MYOF: variants seen among roughly 807,000 people sequenced by gnomAD.
The protein encoded by MYOF is myoferlin.
In MYOF, 244 loss-of-function variants were observed where a neutral mutation model predicts 284.2. That is an observed-to-expected ratio of 0.86 (90% CI 0.77 to 0.95). The LOEUF (loss-of-function observed/expected upper bound fraction) is 0.95, where lower values mean the gene tolerates loss of function less well. Among genes scored for constraint, MYOF ranks in the 40% least tolerant of loss-of-function variants. The pLI is 0.00. For synonymous variants in MYOF, 904 were observed against 919.7 expected (o/e 0.98, Z 0.31); for missense variants, 2,496 against 2,560.6 (o/e 0.97, Z 0.54).
At chr10:93,431,664 G>A (rs1444161722) in intron 3 of MYOF, 148 bp from the exon 4 acceptor site, 12 of 591,950 alleles carry the variant, frequency 2.0e-5, no homozygotes, top group Non-Finnish European at 3.3e-5. Flanking sequence ...AGCCTCGCAG[G>A]GCATTTTGGC....
At chr10:93,403,268 T>C (rs1847389026) in intron 9 of MYOF, among the ~76,000 whole-genome samples, 1 of 152,168 alleles carries the variant, frequency 6.6e-6, no homozygotes, top group South Asian at 2.1e-4. Context: ...CTCCTCCTCC[T>C]CCTCCTTCTC....
chr10:93,338,452 G>A (rs377391988), intron 39 of MYOF: 2 of 456,962 alleles, frequency 4.4e-6, no homozygotes, highest in South Asian at 1.5e-5. Context: ...ACATCTCTGA[G>A]CATCAATTTC....
At chr10:93,397,823 G>A (rs754490561) in intron 13 of MYOF, among the ~76,000 whole-genome samples, 17 of 151,762 alleles carry the variant, frequency 1.1e-4, no homozygotes, top group Non-Finnish European at 1.8e-4. Flanking sequence ...CAGCCTCCCT[G>A]CCCTCTACCC....
At position 93,351,436 on chromosome 10, in the gene MYOF, C is replaced by A. The variant is rs998734721; in HGVS notation, c.3799G>T (p.Ala1267Ser). 4 of 1,614,088 alleles carry A rather than the reference C, an allele frequency of 2.5e-6. No individual in the cohort carries two copies. The African/African-American group carries it at 5.3e-5, about 22-fold the overall frequency. The change falls in exon 34 of 54, where the codon GCA becomes TCA. Residue 1267 changes from alanine to serine, a missense_variant. Physicochemically the swap from Ala to Ser is moderately conservative, Grantham distance 99. Coordinates refer to ENST00000359263, the MANE Select transcript of MYOF (RefSeq NM_013451.4). ...ACCTTGCCCCTCAGAATCAGCTCTG[C>A]AGTTACAAGAACATCCCCGCAGGCT... ...DKACGDVLVT[A>S]ELILRGKDGS...
rs1453225185 is a variant in MYOF, at chr10:93,314,601, C to T, written c.5699-1391G>A. 2.6e-5 allele frequency among the ~76,000 whole-genome samples: 4 copies of T among 152,162 alleles called. No individual in the cohort carries two copies. The East Asian group carries it at 7.7e-4, about 29-fold the overall frequency. On this transcript the variant is annotated intron_variant, in intron 50 of 53. Transcript: ENST00000359263. ...TTTAAACTGTCAGGCTCAGGGACTA[C>T]CCTTCAGCATATAGTGGACCCATAA...
chr10:93,438,953 G>T (rs2056159571), intron 3 of MYOF, among the ~76,000 whole-genome samples: 1 of 152,126 alleles, frequency 6.6e-6, no homozygotes, highest in Admixed American at 6.5e-5. Context: ...ATCGAAAGGG[G>T]GTGTGGCTTT....
In MYOF at chr10:93,307,303, A is replaced by T. The variant is rs1015320830; in HGVS notation, c.6148-302T>A. 6.0e-5 allele frequency among the ~76,000 whole-genome samples: 9 copies of T among 149,750 alleles called. No homozygotes were observed. The East Asian group carries it at 1.2e-3, about 20-fold the overall frequency. Reference sequence around the variant, plus strand: ...GAACCACTGGTTTATTTTTATTTTTATTTTTTTTTTGAGATGGAGTCTTGC... The same window carrying T: ...GAACCACTGGTTTATTTTTATTTTTTTTTTTTTTTTGAGATGGAGTCTTGC... On this transcript the variant is annotated intron_variant, in intron 53 of 53. Coordinates refer to ENST00000359263, the MANE Select transcript of MYOF (RefSeq NM_013451.4).
At chr10:93,387,735 CCCCTTCAGT>C in intron 19 of MYOF, 53 bp downstream of exon 19, 1 of 1,406,208 alleles carries the variant, frequency 7.1e-7, no homozygotes, top group Middle Eastern at 1.8e-4. Flanking sequence ...CCCCCAGCTA[CCCCTTCAGT>C]CCCTGGAGGT....
intron 50 of MYOF, among the ~76,000 whole-genome samples, chr10:93,315,796 G>T (rs1488666116): frequency 1.3e-5 from 2 of 152,018 alleles, no homozygotes; most frequent in Non-Finnish European, 2.9e-5. Flanking sequence ...GGTTGGAGGA[G>T]AGCAGAAGAA....
chr10:93,477,125 T>C (rs1397322376), intron 1 of MYOF, among the ~76,000 whole-genome samples: 1 of 152,164 alleles, frequency 6.6e-6, no homozygotes, highest in African/African-American at 2.4e-5. Flanking sequence ...TTCAAGAGAT[T>C]GGACACAGAA....
At chr10:93,473,023 A>G (rs1233223367) in intron 1 of MYOF, among the ~76,000 whole-genome samples, 1 of 152,222 alleles carries the variant, frequency 6.6e-6, no homozygotes, top group African/African-American at 2.4e-5. Context: ...CACTCTGTAG[A>G]TGAGGAAATG....
At chr10:93,414,340 C>T (rs1400297828) in intron 5 of MYOF, among the ~76,000 whole-genome samples, 1 of 152,130 alleles carries the variant, frequency 6.6e-6, no homozygotes, top group Non-Finnish European at 1.5e-5. Context: ...AGTTCAAGAC[C>T]AGCCTGGTCA....
chr10:93,332,058 A>C (rs1398518411), intron 43 of MYOF, among the ~76,000 whole-genome samples: 1 of 151,900 alleles, frequency 6.6e-6, no homozygotes, highest in Non-Finnish European at 1.5e-5. Flanking sequence ...CACTTACCCC[A>C]CCTCTATTAA....
chr10:93,398,793 T>C (rs182758688), intron 13 of MYOF, among the ~76,000 whole-genome samples: 220 of 152,320 alleles, frequency 1.4e-3, no homozygotes, highest in Non-Finnish European at 2.3e-3. Flanking sequence ...GTTCTTTTTG[T>C]CTATAACTGT....
chr10:93,396,266 T>C, intron 15 of MYOF, 42 bp from the exon 16 acceptor site: 1 of 1,393,598 alleles, frequency 7.2e-7, no homozygotes, highest in Non-Finnish European at 9.8e-7. Context: ...AATAAAAGGT[T>C]CAGAGCTCCA....
intron 1 of MYOF, among the ~76,000 whole-genome samples, chr10:93,471,687 G>A (rs12248127): frequency 0.054 from 8,165 of 152,128 alleles, 507 homozygotes; most frequent in East Asian, 0.25. Flanking sequence ...TCAGGAGATC[G>A]AGACCAGCCT....
intron 26 of MYOF, 115 bp downstream of exon 26, chr10:93,366,277 C>A: frequency 9.1e-7 from 1 of 1,103,194 alleles, no homozygotes; most frequent in Non-Finnish European, 1.3e-6. Context: ...CTTAGTTCTG[C>A]TCAGTGGGTG....
chr10:93,482,327 G>A lies in MYOF; in HGVS notation c.-133C>T, dbSNP rs1315442794. The A allele has an allele frequency of 1.3e-6, 1 of 798,286 alleles. No individual in the cohort carries two copies. Among genetic ancestry groups the A allele is most frequent in the Non-Finnish European group, 2.0e-6 (1 of 493,794 alleles). 49.5% of individuals were successfully genotyped at this position (798,286 alleles called of 1,614,324 possible). ...GGATTTCTCCCAGGGCAAGGAAGGGGAAAAGGCAAAATGGGTGGACCTCTG... is the reference window on the plus strand; with the variant it reads ...GGATTTCTCCCAGGGCAAGGAAGGGAAAAAGGCAAAATGGGTGGACCTCTG... On this transcript the variant is annotated 5_prime_UTR_variant, in exon 1 of 54. Transcript: ENST00000359263.
intron 49 of MYOF, 62 bp from the exon 50 acceptor site, chr10:93,316,875 C>G: frequency 5.8e-6 from 8 of 1,389,432 alleles, no homozygotes; most frequent in Non-Finnish European, 7.1e-6. Flanking sequence ...CTCCTTAAGA[C>G]AGCATCAAAG....
Sources: allele counts gnomAD v4.1 joint callset (sites outside exome capture counted in the v4.1 genomes callset), GRCh38; gene constraint gnomAD v4.1.1; transcripts MANE v1.5; gene names NCBI Gene and HGNC (gene_info 2026-07-23, HGNC 2026-07-21).